Variants in PARP2 observed in about 807,000 individuals in gnomAD.
PARP2 encodes the protein poly [ADP-ribose] polymerase 2.
A neutral mutation model predicts 77.8 loss-of-function variants in PARP2; 57 were observed. The ratio of observed to expected loss-of-function variants is 0.73; its 90% confidence interval spans 0.59 to 0.91. The LOEUF (loss-of-function observed/expected upper bound fraction) is 0.91, where lower values mean the gene tolerates loss of function less well. PARP2 is among the 40% of genes least tolerant of loss of function. PARP2 has a pLI of 0.00. For synonymous variants in PARP2, 226 were observed against 242.6 expected, an observed-to-expected ratio of 0.93 and a Z score of 0.64; for missense variants, 651 against 689.0, an observed-to-expected ratio of 0.94 and a Z score of 0.62.
At chr14:20,349,273 T>C (rs1272292049) in intron 4 of PARP2, among the ~76,000 whole-genome samples, 4 of 152,238 alleles carry the variant, frequency 2.6e-5, no homozygotes, top group South Asian at 2.1e-4. Context: ...TGAGCTGTGA[T>C]TGAGCCATTG....
At position 20,346,845 on chromosome 14, in the gene PARP2, C is replaced by T. The variant is rs749119039; in HGVS notation, c.274-18C>T. The T allele has an allele frequency of 7.0e-6, 11 of 1,561,838 alleles. No homozygotes were observed. The highest frequency in any genetic ancestry group is 3.5e-6 in the Non-Finnish European group (4 of 1,137,958). On this transcript the variant is annotated intron_variant, in intron 3 of 15. Coordinates refer to ENST00000429687, the MANE Select transcript of PARP2 (RefSeq NM_001042618.2). ...GAACCTATACTAATGTTGATTTTTT[C>T]TCTCTCTCCCTTTCTAGGCTCATGT... is the stretch of plus-strand genomic sequence containing the variant.
chr14:20,350,523 T>C lies in PARP2; in HGVS notation c.325-3T>C. 1.9e-6 allele frequency: 3 copies of C among 1,569,062 alleles called. No homozygotes were observed. The highest frequency in any genetic ancestry group is 1.3e-5 in the African/African-American group (1 of 74,192). ...TTTTTGTTTTTGTTTTCACTCAACA[T>C]AGACCAATCTCCAGTTCAACAACAA... On this transcript the variant is annotated splice_polypyrimidine_tract_variant and splice_region_variant and intron_variant, in intron 4 of 15. Coordinates refer to ENST00000429687, the MANE Select transcript of PARP2 (RefSeq NM_001042618.2).
In PARP2 at chr14:20,346,887, G is replaced by T. The variant is rs1006223076; in HGVS notation, c.298G>T (p.Asp100Tyr). 1.2e-6 allele frequency: 2 copies of T among 1,606,424 alleles called. No individual in the cohort carries two copies. Among genetic ancestry groups the T allele is most frequent in the Admixed American group, 1.7e-5 (1 of 59,966 alleles). ...GKAHVYCEGN[D>Y]VYDVMLNQTN... ...GGCTCATGTGTATTGTGAAGGAAATGATGTCTATGATGTCATGCTAAATCA... is the reference window on the plus strand; with the variant it reads ...GGCTCATGTGTATTGTGAAGGAAATTATGTCTATGATGTCATGCTAAATCA... The change falls in exon 4 of 16, where the codon GAT becomes TAT. Residue 100 changes from aspartate (D) to tyrosine (Y), a missense_variant. Transcript: ENST00000429687.
Position 20,351,030 on chromosome 14 carries a change from T to A in PARP2, c.422-17T>A, listed in dbSNP as rs1883935260. ...TACTCTTAGGGAACTATCTTATGTG[T>A]GGCATTTCCTTTGCAGTTGGGAAAA... On this transcript the variant is annotated splice_polypyrimidine_tract_variant and intron_variant, in intron 5 of 15. Transcript: ENST00000429687. 1.2e-6 allele frequency: 2 copies of A among 1,606,500 alleles called. No individual in the cohort carries two copies. The highest frequency in any genetic ancestry group is 1.3e-5 in the African/African-American group (1 of 74,870).
chr14:20,344,960 TG>T lies in PARP2; in HGVS notation c.77del (p.Gly26AlafsTer45). On this transcript the variant is annotated frameshift_variant, in exon 2 of 16. Transcript: ENST00000429687. LOFTEE classifies it high-confidence loss of function. ...ALNESKRVNN[G>X]NTAPEDSSPA... is the part of the protein sequence containing the mutation. ...TAAATGAAAGCAAAAGAGTTAATAA[TG>T]GCAACACGGCTCCAGAAGACTCTTC... 6.2e-7 allele frequency: 1 copy of T among 1,614,080 alleles called. No homozygotes were observed. Among genetic ancestry groups the T allele is most frequent in the Non-Finnish European group, 8.5e-7 (1 of 1,179,962 alleles).
At chr14:20,356,816 C>G in intron 13 of PARP2, 127 bp downstream of exon 13, 2 of 760,356 alleles carry the variant, frequency 2.6e-6, no homozygotes, top group Admixed American at 2.1e-5. Context: ...CACTGATAAC[C>G]TTGTCATCTC....
chr14:20,346,669 A>G (rs1319134202), intron 3 of PARP2, 194 bp from the exon 4 acceptor site: 1 of 509,328 alleles, frequency 2.0e-6, no homozygotes, highest in Non-Finnish European at 3.6e-6. Context: ...AAAAAAAGGA[A>G]GCATGTTTTC....
chr14:20,347,387 T>C (rs1566418404), intron 4 of PARP2, among the ~76,000 whole-genome samples: 1 of 21,266 alleles, frequency 4.7e-5, no homozygotes, highest in African/African-American at 1.8e-4. Context: ...TATATATATA[T>C]ATATATATAT....
chr14:20,356,756 T>G (rs959704912), intron 13 of PARP2, 67 bp downstream of exon 13: 7 of 1,245,768 alleles, frequency 5.6e-6, no homozygotes, highest in Non-Finnish European at 8.3e-6. Flanking sequence ...CAGTGCTTTT[T>G]TTCCTAGATT....
rs1884217151 is a variant in PARP2 at position 20,357,858 on chromosome 14, C to CTTG, written c.*63_*65dup. On this transcript the variant is annotated 3_prime_UTR_variant, in exon 16 of 16. Coordinates refer to ENST00000429687, the MANE Select transcript of PARP2 (RefSeq NM_001042618.2). ...AAGCAAGAAAATAAGCAGTGTTGTA[C>CTTG]TTGTGAATTTTGTGATATTTTATGT... 6.1e-6 allele frequency: 9 copies of CTTG among 1,480,854 alleles called. No individual in the cohort carries two copies. Among genetic ancestry groups the CTTG allele is most frequent in the Non-Finnish European group, 8.3e-6 (9 of 1,077,966 alleles). 91.7% of individuals were successfully genotyped at this position (1,480,854 alleles called of 1,614,324 possible).
intron 13 of PARP2, 72 bp from the exon 14 acceptor site, chr14:20,356,979 G>A: frequency 1.1e-6 from 1 of 938,688 alleles, no homozygotes; most frequent in South Asian, 1.3e-5. Context: ...GAAAAACAGG[G>A]TCAGTGGTAT....
intron 3 of PARP2, 124 bp from the exon 4 acceptor site, chr14:20,346,739 G>A: frequency 1.5e-6 from 1 of 679,372 alleles, no homozygotes. Context: ...TTCTTTCCTT[G>A]GGAGATGAAT....
At chr14:20,354,346 C>G (rs1198936559) in intron 8 of PARP2, 99 bp downstream of exon 8, 7 of 1,010,506 alleles carry the variant, frequency 6.9e-6, no homozygotes, top group African/African-American at 3.3e-5. Context: ...GCTCATAGTA[C>G]TGAATGAAGA....
At chr14:20,346,321 CTTTTTTTTTTTTTT>C (rs71108595) in intron 3 of PARP2, among the ~76,000 whole-genome samples, 1 of 90,858 alleles carries the variant, frequency 1.1e-5, no homozygotes, top group Non-Finnish European at 2.0e-5. Flanking sequence ...CAGTTAGAAT[CTTTTTTTTTTTTTT>C]TTTTTTTTTT....
rs1322681930 is a variant in PARP2 at position 20,357,265 on chromosome 14, G to A, written c.1428+116G>A. The A allele has an allele frequency of 2.4e-5, 32 of 1,327,788 alleles. No individual in the cohort carries two copies. The South Asian group carries it at 2.8e-4, about 11-fold the overall frequency. 82.3% of individuals were successfully genotyped at this position (1,327,788 alleles called of 1,614,324 possible). ...CTGGGATAGCTTGAGAGAGGACCAA[G>A]TACAATTTCTAGTACATTGGATTCC... On this transcript the variant is annotated intron_variant, in intron 14 of 15. Transcript: ENST00000429687.
chr14:20,350,481 A>G, intron 4 of PARP2, 45 bp from the exon 5 acceptor site: 1 of 1,017,066 alleles, frequency 9.8e-7, no homozygotes, highest in Non-Finnish European at 1.5e-6. Context: ...TGTGATTTCC[A>G]TTTGCAAAAC....
chr14:20,354,466 G>A (rs1884070272), intron 8 of PARP2, among the ~76,000 whole-genome samples: 1 of 152,194 alleles, frequency 6.6e-6, no homozygotes, highest in African/African-American at 2.4e-5. Context: ...GGAGGCCAAG[G>A]CAGGTGGATT....
At chr14:20,350,496 T>C (rs370465547) in intron 4 of PARP2, 30 bp from the exon 5 acceptor site, 4 of 1,275,342 alleles carry the variant, frequency 3.1e-6, no homozygotes, top group Non-Finnish European at 4.5e-6. Flanking sequence ...CAAAACTCCT[T>C]TTTTTTGTTT....
intron 7 of PARP2, among the ~76,000 whole-genome samples, chr14:20,353,385 C>T (rs3093915): frequency 4.6e-5 from 7 of 151,820 alleles, no homozygotes; most frequent in Non-Finnish European, 8.8e-5. Context: ...GGACTACAGG[C>T]GCCCGCCACC....
Sources: allele counts gnomAD v4.1 joint callset (sites outside exome capture counted in the v4.1 genomes callset), GRCh38; gene constraint gnomAD v4.1.1; transcripts MANE v1.5; gene names NCBI Gene and HGNC (gene_info 2026-07-23, HGNC 2026-07-21).